Variants in ROBO1 observed in about 807,000 individuals in gnomAD.
ROBO1 encodes roundabout homolog 1.
Under a neutral mutation model 195.9 loss-of-function variants are expected in ROBO1, and 149 were observed. That is an observed-to-expected ratio of 0.76 (90% CI 0.67 to 0.87). The LOEUF (loss-of-function observed/expected upper bound fraction) is 0.87. Ranked by LOEUF, ROBO1 falls within the 40% of genes least tolerant of loss-of-function variation. The probability of loss-of-function intolerance (pLI) is 0.00; values close to 1 mark genes in which losing one functional copy is unlikely to be tolerated. For synonymous variants in ROBO1, 816 were observed against 733.2 expected, an observed-to-expected ratio of 1.11 and a Z score of -1.82; for missense variants, 1,933 against 2,068.3, an observed-to-expected ratio of 0.93 and a Z score of 1.27.
intron 2 of ROBO1, among the ~76,000 whole-genome samples, chr3:79,293,296 G>T (rs2032370964): frequency 6.6e-6 from 1 of 151,834 alleles, no homozygotes. Flanking sequence ...CTTGCTAGTG[G>T]TCTATATATT....
intron 1 of ROBO1, among the ~76,000 whole-genome samples, chr3:79,678,881 T>A (rs896752223): frequency 1.2e-4 from 19 of 152,214 alleles, no homozygotes; most frequent in African/African-American, 4.6e-4. Context: ...TTGATACTAT[T>A]TAACACACCT....
Position 78,668,132 on chromosome 3 carries a change from A to G in ROBO1, c.1799+2T>C. The G allele has an allele frequency of 1.9e-6, 3 of 1,613,326 alleles. No individual in the cohort carries two copies. Among genetic ancestry groups the G allele is most frequent in the Non-Finnish European group, 2.5e-6 (3 of 1,179,570 alleles). ...AACTAGGAAGCATCTCCTTCACTCT[A>G]CCTGAAGGCTTCTATAATATAAGAT... On this transcript the variant is annotated splice_donor_variant, in intron 13 of 30. Coordinates refer to ENST00000464233, the MANE Select transcript of ROBO1 (RefSeq NM_002941.4). LOFTEE classifies it high-confidence loss of function.
chr3:78,909,197 C>T (rs2038099974), intron 4 of ROBO1, among the ~76,000 whole-genome samples: 1 of 151,654 alleles, frequency 6.6e-6, no homozygotes, highest in Non-Finnish European at 1.5e-5. Context: ...GAGTCAAACT[C>T]CAGTTGGCCT....
At chr3:78,808,141 C>G (rs2084607654) in intron 4 of ROBO1, among the ~76,000 whole-genome samples, 1 of 152,158 alleles carries the variant, frequency 6.6e-6, no homozygotes, top group Non-Finnish European at 1.5e-5. Context: ...AATCAGAACT[C>G]CTTTTCCTAA....
chr3:79,121,851 G>A (rs1336520057), intron 3 of ROBO1, among the ~76,000 whole-genome samples: 1 of 151,832 alleles, frequency 6.6e-6, no homozygotes, highest in Non-Finnish European at 1.5e-5. Flanking sequence ...TTACTGCTTT[G>A]TAAAAAGATT....
intron 2 of ROBO1, among the ~76,000 whole-genome samples, chr3:79,184,283 CT>C (rs1252101619): frequency 6.6e-6 from 1 of 152,130 alleles, no homozygotes; most frequent in Admixed American, 6.6e-5. Flanking sequence ...AATCGGGCCT[CT>C]TTTTAAAAAG....
intron 1 of ROBO1, among the ~76,000 whole-genome samples, chr3:79,604,847 G>A (rs561491189): frequency 2.0e-5 from 3 of 151,800 alleles, no homozygotes; most frequent in Non-Finnish European, 2.9e-5. Context: ...TTCCTCTTAT[G>A]TAAATAATTT....
At chr3:79,649,088 C>T (rs1945921807) in intron 1 of ROBO1, among the ~76,000 whole-genome samples, 2 of 151,996 alleles carry the variant, frequency 1.3e-5, no homozygotes, top group African/African-American at 4.8e-5. Context: ...TGTCAATCCC[C>T]ACTTCAAATC....
chr3:78,894,717 C>T (rs1453581204), intron 4 of ROBO1, among the ~76,000 whole-genome samples: 2 of 152,246 alleles, frequency 1.3e-5, no homozygotes, highest in East Asian at 1.9e-4. Context: ...AATAAGAATC[C>T]GTGCTGTTCT....
At chr3:79,680,592 G>T (rs1946915254) in intron 1 of ROBO1, among the ~76,000 whole-genome samples, 1 of 151,986 alleles carries the variant, frequency 6.6e-6, no homozygotes, top group African/African-American at 2.4e-5. Context: ...TAAATTAAAT[G>T]GGAGCCAATT....
intron 2 of ROBO1, among the ~76,000 whole-genome samples, chr3:79,371,180 A>AC (rs1402546875): frequency 1.3e-5 from 2 of 152,188 alleles, no homozygotes; most frequent in African/African-American, 4.8e-5. Flanking sequence ...AAAATGATTT[A>AC]TAACCCTTTG....
intron 1 of ROBO1, among the ~76,000 whole-genome samples, chr3:79,682,000 G>A (rs1425477240): frequency 1.3e-5 from 2 of 151,812 alleles, no homozygotes; most frequent in Non-Finnish European, 2.9e-5. Context: ...AAACTTAGGG[G>A]CTTTAATTTA....
At chr3:79,552,726 A>G (rs959046123) in intron 2 of ROBO1, among the ~76,000 whole-genome samples, 2 of 152,118 alleles carry the variant, frequency 1.3e-5, no homozygotes, top group Admixed American at 6.6e-5. Flanking sequence ...TATATAGGGA[A>G]TAAGAAGCAG....
chr3:79,363,148 T>C (rs777498105), intron 2 of ROBO1, among the ~76,000 whole-genome samples: 20 of 152,330 alleles, frequency 1.3e-4, no homozygotes, highest in Non-Finnish European at 2.5e-4. Flanking sequence ...TATGATTTTA[T>C]GAAACACATA....
At chr3:79,268,738 T>C (rs1014817957) in intron 2 of ROBO1, among the ~76,000 whole-genome samples, 7 of 151,668 alleles carry the variant, frequency 4.6e-5, no homozygotes, top group African/African-American at 1.7e-4. Flanking sequence ...CCTTGCATCA[T>C]TGTGTTTGAC....
intron 3 of ROBO1, among the ~76,000 whole-genome samples, chr3:79,029,264 T>C (rs1283322366): frequency 6.6e-6 from 1 of 152,112 alleles, no homozygotes; most frequent in Non-Finnish European, 1.5e-5. Flanking sequence ...CCCTTTTTCC[T>C]AGTGAAAAAT....
intron 1 of ROBO1, among the ~76,000 whole-genome samples, chr3:79,674,840 G>T (rs986542817): frequency 7.2e-6 from 1 of 139,536 alleles, no homozygotes. Flanking sequence ...GTGTGTGTGT[G>T]TGTGTGTGTG....
intron 3 of ROBO1, among the ~76,000 whole-genome samples, chr3:79,002,188 C>T (rs1386307405): frequency 2.0e-5 from 3 of 152,078 alleles, no homozygotes; most frequent in Admixed American, 6.6e-5. Context: ...GACAGGCATA[C>T]ATGAAATGCT....
Position 79,745,411 on chromosome 3 carries a change from T to G in ROBO1, c.-51+22341A>C, listed in dbSNP as rs139919278. 2.3e-3 allele frequency among the ~76,000 whole-genome samples: 351 copies of G among 152,340 alleles called. 2 individuals are homozygous for G. The highest frequency in any genetic ancestry group is 7.9e-3 in the African/African-American group (330 of 41,592). The stretch of plus-strand genomic sequence containing the variant: ...AAAAAATAGGAGAAACACATTTATG[T>G]AATTCTTCAGTTTTTATGACAATTG... On this transcript the variant is annotated intron_variant, in intron 1 of 30. Coordinates refer to ENST00000464233, the MANE Select transcript of ROBO1 (RefSeq NM_002941.4).
Sources: allele counts gnomAD v4.1 joint callset (sites outside exome capture counted in the v4.1 genomes callset), GRCh38; gene constraint gnomAD v4.1.1; transcripts MANE v1.5; gene names NCBI Gene and HGNC (gene_info 2026-07-23, HGNC 2026-07-21).